Variants in QTGAL observed in about 807,000 individuals in gnomAD.
QTGAL encodes the protein BGnT-like protein 1.
the QTGAL span, among the ~76,000 whole-genome samples, chr17:82,959,479 T>A: frequency 1.5e-4 from 22 of 146,166 alleles, no homozygotes; most frequent in African/African-American, 5.6e-4. Flanking sequence ...TGTGTGTGTG[T>A]GAGAACCTGG....
At chr17:83,018,565 T>C in the QTGAL span, among the ~76,000 whole-genome samples, 1 of 152,192 alleles carries the variant, frequency 6.6e-6, no homozygotes, top group Non-Finnish European at 1.5e-5. Flanking sequence ...GGTATGTAAT[T>C]CTTAATACCC....
the QTGAL span, among the ~76,000 whole-genome samples, chr17:83,022,264 TGAGC>T: frequency 6.7e-5 from 10 of 148,984 alleles, no homozygotes; most frequent in South Asian, 2.1e-4. Context: ...TGAACTCACA[TGAGC>T]TTAGCACTGT....
At chr17:83,010,644 G>A in the QTGAL span, among the ~76,000 whole-genome samples, 1 of 152,242 alleles carries the variant, frequency 6.6e-6, no homozygotes, top group East Asian at 1.9e-4. Context: ...AGTGCACCGC[G>A]GACTTCATTT....
At chr17:82,987,887 T>G in the QTGAL span, among the ~76,000 whole-genome samples, 2 of 152,242 alleles carry the variant, frequency 1.3e-5, no homozygotes, top group Non-Finnish European at 2.9e-5. Flanking sequence ...ACGATATTGA[T>G]TCTTCCTATC....
the QTGAL span, among the ~76,000 whole-genome samples, chr17:82,994,725 C>G: frequency 6.6e-6 from 1 of 152,064 alleles, no homozygotes; most frequent in African/African-American, 2.4e-5. Context: ...ATACCAAAAC[C>G]AGACAAAGAC....
At chr17:82,994,156 A>G in the QTGAL span, among the ~76,000 whole-genome samples, 1 of 152,166 alleles carries the variant, frequency 6.6e-6, no homozygotes, top group African/African-American at 2.4e-5. Flanking sequence ...CAAAAATCAG[A>G]GCAGAAATAA....
the QTGAL span, among the ~76,000 whole-genome samples, chr17:83,031,522 AC>A: frequency 6.6e-6 from 1 of 150,968 alleles, no homozygotes; most frequent in African/African-American, 2.4e-5. Context: ...CCACGTTTAG[AC>A]AGGGCTCTGC....
the QTGAL span, among the ~76,000 whole-genome samples, chr17:82,969,745 T>C: frequency 2.0e-5 from 3 of 152,270 alleles, no homozygotes; most frequent in East Asian, 5.8e-4. Context: ...AGTGGCGTGA[T>C]CACAGCTCAC....
the QTGAL span, among the ~76,000 whole-genome samples, chr17:83,017,133 G>A: frequency 1.8e-4 from 28 of 152,186 alleles, no homozygotes; most frequent in Non-Finnish European, 4.1e-4. Context: ...CCATGTGTGG[G>A]AGCTGAGGAG....
At chr17:82,973,403 C>T in the QTGAL span, among the ~76,000 whole-genome samples, 10 of 152,216 alleles carry the variant, frequency 6.6e-5, no homozygotes, top group South Asian at 2.1e-4. Context: ...CACGGAGATA[C>T]GGAACTGATA....
At chr17:82,961,207 T>A in the QTGAL span, 2 of 1,598,396 alleles carry the variant, frequency 1.3e-6, no homozygotes, top group Non-Finnish European at 1.7e-6. Context: ...AGCAGAGGCA[T>A]CACTGGGGCC....
chr17:82,986,253 G>T, the QTGAL span, among the ~76,000 whole-genome samples: 1 of 152,148 alleles, frequency 6.6e-6, no homozygotes, highest in African/African-American at 2.4e-5. Flanking sequence ...GCGGCAGCCC[G>T]ACCCCGTGGC....
the QTGAL span, among the ~76,000 whole-genome samples, chr17:82,946,593 A>C: frequency 4.6e-4 from 17 of 37,082 alleles, no homozygotes; most frequent in African/African-American, 1.8e-3. Context: ...TGTACACAGA[A>C]ATTTTAAAAA....
At chr17:83,030,930 G>T in the QTGAL span, 1 of 152,252 alleles carries the variant, frequency 6.6e-6, no homozygotes, top group African/African-American at 2.4e-5. Flanking sequence ...AAGAAAACCT[G>T]GTCGGCTCAG....
At chr17:83,031,646 C>A in the QTGAL span, among the ~76,000 whole-genome samples, 10 of 152,368 alleles carry the variant, frequency 6.6e-5, no homozygotes, top group Admixed American at 6.5e-4. Context: ...GAGGACAAGC[C>A]GTCTAGGCAG....
At chr17:82,967,889 C>T in the QTGAL span, among the ~76,000 whole-genome samples, 1 of 151,886 alleles carries the variant, frequency 6.6e-6, no homozygotes, top group African/African-American at 2.4e-5. Context: ...GAGCTGTGAT[C>T]GCACCACAGC....
At chr17:82,972,627 C>T in the QTGAL span, among the ~76,000 whole-genome samples, 1 of 124,232 alleles carries the variant, frequency 8.0e-6, no homozygotes, top group African/African-American at 3.6e-5. Flanking sequence ...CACCATGGGC[C>T]AGAAGGACCT....
the QTGAL span, among the ~76,000 whole-genome samples, chr17:83,022,837 C>G: frequency 6.3e-5 from 1 of 15,862 alleles, no homozygotes; most frequent in Non-Finnish European, 1.1e-4. Context: ...ATGAGCTTAG[C>G]ACTGTCCCCG....
At chr17:82,947,332 C>T in the QTGAL span, 2 of 288,840 alleles carry the variant, frequency 6.9e-6, no homozygotes, top group African/African-American at 2.2e-5. Flanking sequence ...TCCCTCCACA[C>T]ACCCACCCCT....
Sources: gnomAD v4.1 joint callset for allele counts (sites outside exome capture counted in the v4.1 genomes callset) on GRCh38, gnomAD v4.1.1 for gene constraint, MANE v1.5 for transcripts, NCBI Gene and HGNC (gene_info 2026-07-23, HGNC 2026-07-21) for gene names.